The following SRPRA variants were observed in gnomAD, a reference collection of about 807,000 sequenced individuals.
SRPRA encodes the protein signal recognition particle receptor subunit alpha.
SRPRA carries 30 observed loss-of-function variants against 61.1 expected under a neutral mutation model. The observed-to-expected ratio is 0.49, with a 90% CI of 0.37 to 0.67. The LOEUF (loss-of-function observed/expected upper bound fraction) is 0.67. Ranked by LOEUF, SRPRA falls within the 30% of genes least tolerant of loss-of-function variation. SRPRA has a pLI of 0.00. For synonymous variants in SRPRA, 324 were observed against 299.7 expected, an observed-to-expected ratio of 1.08 and a Z score of -0.84; for missense variants, 759 against 828.4, an observed-to-expected ratio of 0.92 and a Z score of 1.03.
downstream of SRPRA, chr11:126,261,609 G>C (rs1950701144): frequency 1.4e-6 from 1 of 710,934 alleles, no homozygotes; most frequent in Non-Finnish European, 2.4e-6. Context: ...ACACTGTAGA[G>C]AATGATTTTC....
rs200534208 is a variant in SRPRA at position 126,265,452 on chromosome 11, G to A, written c.1139-12C>T. The A allele has an allele frequency of 6.2e-7, 1 of 1,605,910 alleles. No individual in the cohort carries two copies. Among genetic ancestry groups the A allele is most frequent in the South Asian group, 1.1e-5 (1 of 90,550 alleles). ...TGTGGAAGTCACCGCTGAAAGGGGAGGTGGAGGAGGTTGCAGCTGTGAAAC... is the reference window on the plus strand; with the variant it reads ...TGTGGAAGTCACCGCTGAAAGGGGAAGTGGAGGAGGTTGCAGCTGTGAAAC... On this transcript the variant is annotated splice_polypyrimidine_tract_variant and intron_variant, in intron 9 of 13. Transcript: ENST00000332118. The surrounding 1 kb of genome is among the most constrained non-coding windows in gnomAD (Gnocchi z 6.3).
the SRPRA span, among the ~76,000 whole-genome samples, chr11:126,253,052 G>A: frequency 2.6e-5 from 4 of 152,114 alleles, no homozygotes; most frequent in Non-Finnish European, 5.9e-5. The surrounding 1 kb of genome is among the most constrained non-coding windows in gnomAD (Gnocchi z 5.1). Context: ...ACAAACAAAT[G>A]ATTGAAATTT....
Position 126,266,632 on chromosome 11 carries a change from G to A in SRPRA, c.687-3C>T, listed in dbSNP as rs371442854. On this transcript the variant is annotated splice_region_variant and splice_polypyrimidine_tract_variant and intron_variant, in intron 5 of 13. Transcript: ENST00000332118. ...GAGCATCTGACTTCGTGGACTTGCT[G>A]CAACAGGTTATGATACAAAGAGTTA... 3 of 1,613,476 alleles carry A rather than the reference G, an allele frequency of 1.9e-6. No individual in the cohort carries two copies. Among genetic ancestry groups the A allele is most frequent in the South Asian group, 1.1e-5 (1 of 91,010 alleles).
the SRPRA span, among the ~76,000 whole-genome samples, chr11:126,238,959 T>G: frequency 5.3e-5 from 8 of 151,784 alleles, no homozygotes; most frequent in Non-Finnish European, 1.5e-5. Context: ...ATGTTTTATT[T>G]TTAAGTGGAA....
the SRPRA span, among the ~76,000 whole-genome samples, chr11:126,250,277 G>T: frequency 6.6e-6 from 1 of 152,002 alleles, no homozygotes; most frequent in Admixed American, 6.6e-5. This position sits in a 1 kb window ranked among gnomAD's most constrained non-coding sequence, Gnocchi z 5.1. Context: ...ATTTTTAGTA[G>T]AGACGGGGTT....
chr11:126,266,650 A>G (rs1210525925), intron 5 of SRPRA, 21 bp from the exon 6 acceptor site: 9 of 1,612,840 alleles, frequency 5.6e-6, no homozygotes, highest in Non-Finnish European at 6.8e-6. Flanking sequence ...TTATGATACA[A>G]AGAGTTATGG....
Position 126,266,314 on chromosome 11 carries a change from C to T in SRPRA, c.841-36G>A, listed in dbSNP as rs1209873515. ...CGGGGAAAGGATGTGGGGTCAGGAA[C>T]ACTAAGGTCTCTGAGGAAAACGTCC... On this transcript the variant is annotated intron_variant, in intron 6 of 13. Coordinates refer to ENST00000332118, the MANE Select transcript of SRPRA (RefSeq NM_003139.4). The T allele has an allele frequency of 3.1e-6, 5 of 1,609,874 alleles. No individual in the cohort carries two copies. In the African/African-American group the frequency reaches 5.3e-5, roughly 17 times the overall value.
In SRPRA at chr11:126,266,079, G is replaced by T. The variant is rs138456100; in HGVS notation, c.935C>A (p.Ala312Glu). 6.2e-7 allele frequency: 1 copy of T among 1,614,002 alleles called. No homozygotes were observed. The change falls in exon 8 of 14, where the codon GCG becomes GAG. Residue 312 changes from alanine (A) to glutamate (E), a missense_variant and splice_region_variant. Ala to Glu is a moderately radical substitution (Grantham distance 107). Around this residue, in one of 2 missense-constraint regions of SRPRA, gnomAD observed 475 missense variants for 462.5 expected, o/e 1.03. Transcript: ENST00000332118. ...GAAQNSTKPS[A>E]TKGTLGGMFG... ...CATGCCACCCAGTGTTCCCTTGGTC[G>T]CACTGCAGGGACAGGAGATTACACA... is the stretch of plus-strand genomic sequence containing the variant.
chr11:126,261,268 CCT>C (rs1950691709), downstream of SRPRA: 2 of 615,766 alleles, frequency 3.2e-6, no homozygotes, highest in Admixed American at 2.8e-5. Context: ...TCCAGTTTAT[CCT>C]CTCTGCCTCC....
chr11:126,266,941 AC>A lies in SRPRA; in HGVS notation c.527-20del. On this transcript the variant is annotated intron_variant, in intron 4 of 13. Transcript: ENST00000332118. Reference sequence around the variant, plus strand: ...TCAGAACCTGTTGGGGAAAAAACTCACTGAAGAAAAAAGAAGACCAATCCCA... The same window carrying A: ...TCAGAACCTGTTGGGGAAAAAACTCATGAAGAAAAAAGAAGACCAATCCCA... The A allele has an allele frequency of 6.2e-7, 1 of 1,605,674 alleles. No individual in the cohort carries two copies. Among genetic ancestry groups the A allele is most frequent in the Non-Finnish European group, 8.5e-7 (1 of 1,177,034 alleles).
chr11:126,242,024 CAAAAA>C, the SRPRA span, among the ~76,000 whole-genome samples: 3 of 88,412 alleles, frequency 3.4e-5, no homozygotes, highest in East Asian at 6.4e-4. Context: ...GACTCCGTCT[CAAAAA>C]AAAAAAAAAA....
chr11:126,261,555 A>G, downstream of SRPRA: 2 of 1,316,944 alleles, frequency 1.5e-6, no homozygotes, highest in Non-Finnish European at 2.2e-6. Context: ...GGTTAAGAAT[A>G]TAGAGAATGT....
In SRPRA at chr11:126,267,485, C is replaced by A; in HGVS notation, c.365+64G>T. On this transcript the variant is annotated intron_variant, in intron 3 of 13. Coordinates refer to ENST00000332118, the MANE Select transcript of SRPRA (RefSeq NM_003139.4). The surrounding 1 kb of genome is among the most constrained non-coding windows in gnomAD (Gnocchi z 4.2). Reference sequence around the variant, plus strand: ...AACACATCAATTTACCACCTTTGAACCACCTTCAGAGAGGTCATCAAATCA... The same window carrying A: ...AACACATCAATTTACCACCTTTGAAACACCTTCAGAGAGGTCATCAAATCA... 1.9e-6 allele frequency: 3 copies of A among 1,602,588 alleles called. No individual in the cohort carries two copies. The highest frequency in any genetic ancestry group is 2.6e-6 in the Non-Finnish European group (3 of 1,173,146).
chr11:126,255,301 C>T, the SRPRA span, among the ~76,000 whole-genome samples: 1 of 152,166 alleles, frequency 6.6e-6, no homozygotes, highest in Admixed American at 6.5e-5. The surrounding 1 kb of genome is among the most constrained non-coding windows in gnomAD (Gnocchi z 4.6). Flanking sequence ...GTTTTCAGGA[C>T]TGGGTCATAT....
the SRPRA span, chr11:126,256,829 A>G: frequency 1.2e-6 from 2 of 1,613,702 alleles, no homozygotes; most frequent in South Asian, 1.1e-5. This position sits in a 1 kb window ranked among gnomAD's most constrained non-coding sequence, Gnocchi z 6.6. Flanking sequence ...CTGACATGTG[A>G]GATCTCCACA....
chr11:126,265,903 A>C lies in SRPRA; in HGVS notation c.1051+60T>G. 6.2e-7 allele frequency: 1 copy of C among 1,610,880 alleles called. No homozygotes were observed. The highest frequency in any genetic ancestry group is 8.5e-7 in the Non-Finnish European group (1 of 1,177,022). ...TGGTACAGGTGAGAAACGCTAGGTGATTCTGCTCTCAACTACCCCTATCCC... is the reference window on the plus strand; with the variant it reads ...TGGTACAGGTGAGAAACGCTAGGTGCTTCTGCTCTCAACTACCCCTATCCC... On this transcript the variant is annotated intron_variant, in intron 8 of 13. Coordinates refer to ENST00000332118, the MANE Select transcript of SRPRA (RefSeq NM_003139.4). This position sits in a 1 kb window ranked among gnomAD's most constrained non-coding sequence, Gnocchi z 6.3.
At position 126,265,369 on chromosome 11, in the gene SRPRA, C is replaced by G. The variant is rs375657394; in HGVS notation, c.1210G>C (p.Asp404His). ...VQILQPQRRV[D>H]MLRDIMDAQR... ...GCATCCATGATGTCCCGGAGCATGT[C>G]TACACGACGCTGTGGCTGCAGAATC... The change falls in exon 10 of 14, where the codon GAC becomes CAC. Residue 404 changes from aspartate to histidine, a missense_variant. Coordinates refer to ENST00000332118, the MANE Select transcript of SRPRA (RefSeq NM_003139.4). The surrounding 1 kb of genome is among the most constrained non-coding windows in gnomAD (Gnocchi z 6.3). 1 of 1,614,120 alleles carries G rather than the reference C, an allele frequency of 6.2e-7. No individual in the cohort carries two copies. Among genetic ancestry groups the G allele is most frequent in the African/African-American group, 1.3e-5 (1 of 75,074 alleles).
chr11:126,255,020 C>T, the SRPRA span, among the ~76,000 whole-genome samples: 19 of 152,294 alleles, frequency 1.2e-4, no homozygotes, highest in Non-Finnish European at 2.4e-4. The surrounding 1 kb of genome is among the most constrained non-coding windows in gnomAD (Gnocchi z 4.6). Context: ...TACATTAGTA[C>T]CCTTTATCAT....
Position 126,266,254 on chromosome 11 carries a change from GC to G in SRPRA, c.864del (p.Gln289SerfsTer36). 6.2e-7 allele frequency: 1 copy of G among 1,614,118 alleles called. No individual in the cohort carries two copies. Among genetic ancestry groups the G allele is most frequent in the Non-Finnish European group, 8.5e-7 (1 of 1,180,032 alleles). ...CTGCTGCAGTCCAGATCCTGAAGCT[GC>G]CCCCCAGACCCAGTCCCTCGAATCT... Reference protein sequence around the residue: ...INLIRGTGSGGQLQDLDCSSS... With the variant: ...INLIRGTGSGXQLQDLDCSSS... On this transcript the variant is annotated frameshift_variant, in exon 7 of 14. Transcript: ENST00000332118. LOFTEE classifies it high-confidence loss of function.
Sources: gnomAD v4.1 joint callset for allele counts (sites outside exome capture counted in the v4.1 genomes callset) on GRCh38, gnomAD v4.1.1 for gene constraint, gnomAD v4.1.1 regional missense constraint, Gnocchi (gnomAD v3.1) non-coding constraint, MANE v1.5 for transcripts, NCBI Gene and HGNC (gene_info 2026-07-23, HGNC 2026-07-21) for gene names.